FAM120AOS: variants seen among roughly 807,000 people sequenced by gnomAD.
FAM120AOS encodes uncharacterized protein FAM120AOS.
Under a neutral mutation model 20.2 loss-of-function variants are expected in FAM120AOS, and 15 were observed. That is an observed-to-expected ratio of 0.74 (90% CI 0.50 to 1.15). The LOEUF is 1.15. Ranked by LOEUF, FAM120AOS falls within the 50% of genes most tolerant of loss-of-function variation. FAM120AOS has a pLI of 0.00. For missense variants in FAM120AOS, 327 were observed against 351.9 expected, an observed-to-expected ratio of 0.93 and a Z score of 0.57; for synonymous variants, 154 against 154.0, an observed-to-expected ratio of 1.00 and a Z score of 0.00.
chr9:93,451,330 C>T (rs1857169925), intron 1 of FAM120AOS: 2 of 1,436,688 alleles, frequency 1.4e-6, no homozygotes, highest in East Asian at 2.5e-5. Context: ...TTCCCCAGGA[C>T]CTGCTTCGCG....
Position 93,445,794 on chromosome 9 carries a change from C to T in FAM120AOS, c.*1817G>A. 1.3e-5 allele frequency among the ~76,000 whole-genome samples: 2 copies of T among 151,726 alleles called. 1 individual carries two copies. The highest frequency in any genetic ancestry group is 2.9e-5 in the Non-Finnish European group (2 of 67,920). ...GTAGACAATGGGTTTCATCATGTTG[C>T]CTCAAGAAAAATAACATCATGGTAA... On this transcript the variant is annotated 3_prime_UTR_variant, in exon 3 of 3. Coordinates refer to ENST00000375412, the MANE Select transcript of FAM120AOS (RefSeq NM_198841.4).
At chr9:93,450,075 C>T (rs568963411) in intron 2 of FAM120AOS, among the ~76,000 whole-genome samples, 1 of 152,056 alleles carries the variant, frequency 6.6e-6, no homozygotes, top group Non-Finnish European at 1.5e-5. Flanking sequence ...CAACCTCCGC[C>T]TCCCGGGTTC....
At chr9:93,449,048 CAATA>C (rs1264021366) in intron 2 of FAM120AOS, among the ~76,000 whole-genome samples, 6 of 144,936 alleles carry the variant, frequency 4.1e-5, no homozygotes, top group South Asian at 2.1e-4. Flanking sequence ...AATAGCTACT[CAATA>C]AATAAAGTTT....
chr9:93,444,693 C>T lies in FAM120AOS; in HGVS notation c.*2918G>A, dbSNP rs976368015. ...GCAATGGTGCGATCTCGGCTCACCG[C>T]AACCTCCGCCTCCCAGGTTCAAGGG... is the stretch of plus-strand genomic sequence containing the variant. On this transcript the variant is annotated 3_prime_UTR_variant, in exon 3 of 3. Transcript: ENST00000375412. 6.6e-6 allele frequency among the ~76,000 whole-genome samples: 1 copy of T among 151,960 alleles called. No individual in the cohort carries two copies. The highest frequency in any genetic ancestry group is 1.5e-5 in the Non-Finnish European group (1 of 68,004).
At position 93,452,805 on chromosome 9, in the gene FAM120AOS, T is replaced by C. The variant is rs1298440514; in HGVS notation, c.-96A>G. The C allele has an allele frequency of 6.3e-6, 10 of 1,586,180 alleles. No homozygotes were observed. The highest frequency in any genetic ancestry group is 7.7e-6 in the Non-Finnish European group (9 of 1,174,542). On this transcript the variant is annotated 5_prime_UTR_variant, in exon 1 of 3. Transcript: ENST00000375412. This position sits in a 1 kb window ranked among gnomAD's most constrained non-coding sequence, Gnocchi z 7.0. ...GTTCTTTCCCAGCAACAGGTTCATC[T>C]TGGAAGCAGGCAGGATACAGAGTAA... is the stretch of plus-strand genomic sequence containing the variant.
At chr9:93,448,962 T>C (rs1856967206) in intron 2 of FAM120AOS, among the ~76,000 whole-genome samples, 1 of 152,114 alleles carries the variant, frequency 6.6e-6, no homozygotes, top group Non-Finnish European at 1.5e-5. Context: ...GCAATTTAAC[T>C]TCAACCAACC....
Position 93,445,587 on chromosome 9 carries a change from T to G in FAM120AOS, c.*2024A>C, listed in dbSNP as rs867719438. 1.3e-4 allele frequency among the ~76,000 whole-genome samples: 18 copies of G among 137,104 alleles called. No homozygotes were observed. Among genetic ancestry groups the G allele is most frequent in the East Asian group, 6.1e-4 (3 of 4,896 alleles). 89.9% of individuals were successfully genotyped at this position (137,104 alleles called of 152,430 possible). The stretch of plus-strand genomic sequence containing the variant: ...CCAACTTTCATAAAAATCGTTGTTT[T>G]TTTTTTTTTTTTTTTTTTTTGAGAC... On this transcript the variant is annotated 3_prime_UTR_variant, in exon 3 of 3. Transcript: ENST00000375412.
At chr9:93,450,132 G>T (rs1857050148) in intron 2 of FAM120AOS, among the ~76,000 whole-genome samples, 1 of 152,054 alleles carries the variant, frequency 6.6e-6, no homozygotes, top group Admixed American at 6.5e-5. Context: ...GATTACAGGC[G>T]CACACACCAC....
chr9:93,450,326 G>T, intron 2 of FAM120AOS, 153 bp downstream of exon 2: 1 of 1,173,314 alleles, frequency 8.5e-7, no homozygotes, highest in Non-Finnish European at 1.2e-6. Context: ...CTGGCTTTGT[G>T]ACTAATTTTA....
rs1230245719 is a variant in FAM120AOS, at chr9:93,450,952, C to T, written c.564-353G>A. The stretch of plus-strand genomic sequence containing the variant: ...TCCCACGCTGCAACAGACCTGTGCT[C>T]TCAAGACAGTCTCTTCCGTGACGAG... On this transcript the variant is annotated intron_variant, in intron 1 of 2. Coordinates refer to ENST00000375412, the MANE Select transcript of FAM120AOS (RefSeq NM_198841.4). 8 of 1,392,100 alleles carry T rather than the reference C, an allele frequency of 5.7e-6. No homozygotes were observed. In the East Asian group the frequency reaches 2.0e-4, roughly 35 times the overall value. 86.2% of individuals were successfully genotyped at this position (1,392,100 alleles called of 1,614,324 possible).
In FAM120AOS at chr9:93,452,754, A is replaced by G. The variant is rs373507744; in HGVS notation, c.-45T>C. ...CTATCACTCACCTTCAACTTTGACA[A>G]AATACTCCCTTTTCTAATTTAGCCT... On this transcript the variant is annotated 5_prime_UTR_variant, in exon 1 of 3. Coordinates refer to ENST00000375412, the MANE Select transcript of FAM120AOS (RefSeq NM_198841.4). This position sits in a 1 kb window ranked among gnomAD's most constrained non-coding sequence, Gnocchi z 7.0. 6.3e-7 allele frequency: 1 copy of G among 1,596,976 alleles called. No individual in the cohort carries two copies. Among genetic ancestry groups the G allele is most frequent in the African/African-American group, 1.3e-5 (1 of 74,808 alleles).
chr9:93,451,129 CAAG>C, intron 1 of FAM120AOS: 1 of 1,550,616 alleles, frequency 6.4e-7, no homozygotes, highest in South Asian at 1.2e-5. Context: ...CTGCTCTTTC[CAAG>C]AAGCCAGGCG....
chr9:93,452,677 G>A lies in FAM120AOS; in HGVS notation c.33C>T (p.Asp11=). The A allele has an allele frequency of 6.3e-7, 1 of 1,598,806 alleles. No individual in the cohort carries two copies. The highest frequency in any genetic ancestry group is 8.5e-7 in the Non-Finnish European group (1 of 1,179,914). MGKTKDIGDD[D]TVASEFWSGA... The stretch of plus-strand genomic sequence containing the variant: ...CGGACCAGAATTCGGAGGCGACAGT[G>A]TCATCATCCCCAATATCCTTAGTTT... The change falls in exon 1 of 3, where the codon GAC becomes GAT. Residue 11 remains aspartate (D), a synonymous_variant. Transcript: ENST00000375412. This position sits in a 1 kb window ranked among gnomAD's most constrained non-coding sequence, Gnocchi z 7.0.
rs779921333 is a variant in FAM120AOS, at chr9:93,452,104, C to A, written c.563+43G>T. 6.2e-7 allele frequency: 1 copy of A among 1,610,076 alleles called. No individual in the cohort carries two copies. The highest frequency in any genetic ancestry group is 1.7e-5 in the Admixed American group (1 of 59,878). ...ACCGCCTCTACGGCGGCTTCTACAC[C>A]GACTGGGTCAGCGGCGGCCAGTGGA... On this transcript the variant is annotated intron_variant, in intron 1 of 2. Transcript: ENST00000375412. This position sits in a 1 kb window ranked among gnomAD's most constrained non-coding sequence, Gnocchi z 7.0.
chr9:93,449,139 T>C (rs1025464783), intron 2 of FAM120AOS, among the ~76,000 whole-genome samples: 2 of 151,662 alleles, frequency 1.3e-5, no homozygotes, highest in African/African-American at 4.9e-5. Context: ...GATACAATAA[T>C]GAATTTTAAA....
intron 1 of FAM120AOS, chr9:93,451,765 G>T (rs2131157841): frequency 1.0e-6 from 1 of 981,998 alleles, no homozygotes; most frequent in South Asian, 4.5e-5. Context: ...GCACATGGCG[G>T]CCGCGGCGGC....
At position 93,452,866 on chromosome 9, in the gene FAM120AOS, A is replaced by G. The variant is rs1230680164; in HGVS notation, c.-157T>C. On this transcript the variant is annotated 5_prime_UTR_variant, in exon 1 of 3. Coordinates refer to ENST00000375412, the MANE Select transcript of FAM120AOS (RefSeq NM_198841.4). The surrounding 1 kb of genome is among the most constrained non-coding windows in gnomAD (Gnocchi z 7.0). ...TTCGCCAGAGCCCTTGGGGGCTGCA[A>G]ATATCAGTGCTGCTGCCGCCGCCCT... 4.8e-6 allele frequency: 7 copies of G among 1,471,538 alleles called. No homozygotes were observed. The African/African-American group carries it at 7.1e-5, about 15-fold the overall frequency. The allele number at this position is 1,471,538 out of a possible 1,614,324, so 91.2% of individuals were successfully genotyped here. A position where few individuals can be genotyped will look rare whatever the true frequency, so the allele number is the denominator to read the frequency against.
chr9:93,451,781 G>A, intron 1 of FAM120AOS: 3 of 979,800 alleles, frequency 3.1e-6, no homozygotes, highest in Non-Finnish European at 2.4e-6. Context: ...GCGGCCATGA[G>A]CGCGCCCCCG....
rs764955807 is a variant in FAM120AOS, at chr9:93,447,672, T to C, written c.710A>G (p.Asn237Ser). Reference sequence around the variant, plus strand: ...TTTTGTGGTTTTCTTTGAGACTTTGTTATTGACAGAACAGCTTCTGGAAAT... The same window carrying C: ...TTTTGTGGTTTTCTTTGAGACTTTGCTATTGACAGAACAGCTTCTGGAAAT... The part of the protein sequence containing the change: ...KKISRSCSVN[N>S]KVSKKTTKPP... The change falls in exon 3 of 3, where the codon AAC becomes AGC. Residue 237 changes from asparagine (N) to serine (S), a missense_variant. Asn to Ser is a conservative substitution (Grantham distance 46). Transcript: ENST00000375412. 8 of 1,613,706 alleles carry C rather than the reference T, an allele frequency of 5.0e-6. No homozygotes were observed. In the South Asian group the frequency reaches 8.8e-5, roughly 18 times the overall value.
Sources: gnomAD v4.1 joint callset for allele counts (sites outside exome capture counted in the v4.1 genomes callset) on GRCh38, gnomAD v4.1.1 for gene constraint, Gnocchi (gnomAD v3.1) non-coding constraint, MANE v1.5 for transcripts, NCBI Gene and HGNC (gene_info 2026-07-23, HGNC 2026-07-21) for gene names.